Variants in ATP11A observed in about 807,000 individuals in gnomAD.
ATP11A encodes ATPase phospholipid transporting 11A.
In ATP11A, 81 loss-of-function variants were observed where a neutral mutation model predicts 154.4. The observed-to-expected ratio is 0.52, with a 90% CI of 0.44 to 0.63. The LOEUF is 0.63. ATP11A is among the 30% of genes least tolerant of loss of function. ATP11A has a pLI of 0.00. For synonymous variants in ATP11A, 623 were observed against 585.9 expected, an observed-to-expected ratio of 1.06 and a Z score of -0.91; for missense variants, 1,316 against 1,474.3, an observed-to-expected ratio of 0.89 and a Z score of 1.76.
At position 112,860,400 on chromosome 13, in the gene ATP11A, C is replaced by G. The variant is rs2080067398; in HGVS notation, c.2841C>G (p.Asp947Glu). ...QHVGIDVLKR[D>E]PTLYRDVAKN... ...TTGGCATTGACGTGCTCAAGAGAGA[C>G]CCGACCCTGTACAGGTACCATCCTC... Residue 947 changes from aspartate to glutamate, a missense_variant, in exon 24 of 30, where the codon GAC becomes GAG. This residue lies in a region of ATP11A where 294 missense variants were observed against 290.2 expected (regional missense o/e 1.01). Transcript: ENST00000375645. 1.2e-6 allele frequency: 2 copies of G among 1,614,150 alleles called. No individual in the cohort carries two copies. The highest frequency in any genetic ancestry group is 1.7e-6 in the Non-Finnish European group (2 of 1,180,014).
intron 1 of ATP11A, among the ~76,000 whole-genome samples, chr13:112,715,842 C>A (rs2139599510): frequency 6.6e-6 from 1 of 152,002 alleles, no homozygotes; most frequent in African/African-American, 2.4e-5. Context: ...CCTCTGGGGG[C>A]CGGGGAAGGT....
Position 112,883,141 on chromosome 13 carries a change from CGTCCCCTT to C in ATP11A, c.*1281_*1288del, listed in dbSNP as rs2080922987. 2.5e-6 allele frequency: 1 copy of C among 395,040 alleles called. No individual in the cohort carries two copies. Among genetic ancestry groups the C allele is most frequent in the Admixed American group, 4.4e-5 (1 of 22,542 alleles). The allele number at this position is 395,040 out of a possible 1,614,324, so 24.5% of individuals were successfully genotyped here. ...TCGTCTCCTCATCCCCACGTCCTCT[CGTCCCCTT>C]GTCCCGTCCCCACATACCCTCGTCC... On this transcript the variant is annotated 3_prime_UTR_variant, in exon 30 of 30. Coordinates refer to ENST00000375645, the MANE Select transcript of ATP11A (RefSeq NM_015205.3).
intron 22 of ATP11A, 129 bp downstream of exon 22, chr13:112,858,419 G>C: frequency 1.0e-6 from 1 of 993,326 alleles, no homozygotes; most frequent in Non-Finnish European, 1.4e-6. Context: ...TGTCAGAAAG[G>C]AAGGGGTGAA....
chr13:112,823,329 C>T lies in ATP11A; in HGVS notation c.726-16C>T, dbSNP rs369624424. 2 of 1,611,042 alleles carry T rather than the reference C, an allele frequency of 1.2e-6. No individual in the cohort carries two copies. The highest frequency in any genetic ancestry group is 1.3e-5 in the African/African-American group (1 of 74,836). On this transcript the variant is annotated splice_polypyrimidine_tract_variant and intron_variant, in intron 8 of 29. Coordinates refer to ENST00000375645, the MANE Select transcript of ATP11A (RefSeq NM_015205.3). ...CCTTCGTGTCCGCATCATTTCTGAT[C>T]ATCGTATCTTTACAGGCCCTTAGGA...
intron 2 of ATP11A, among the ~76,000 whole-genome samples, chr13:112,789,662 A>G (rs548508106): frequency 6.7e-4 from 99 of 146,698 alleles, no homozygotes; most frequent in African/African-American, 2.3e-3. Context: ...GTGGAGACCT[A>G]CTTAATTCAC....
intron 15 of ATP11A, among the ~76,000 whole-genome samples, chr13:112,834,867 G>T (rs1300685374): frequency 1.3e-5 from 2 of 152,232 alleles, no homozygotes; most frequent in South Asian, 2.1e-4. Context: ...CAGCCACAGC[G>T]CTGCTTCCCC....
chr13:112,829,829 A>G (rs1339261071), intron 12 of ATP11A, among the ~76,000 whole-genome samples: 12 of 152,266 alleles, frequency 7.9e-5, no homozygotes, highest in Admixed American at 3.3e-4. Flanking sequence ...ACTAATCAAC[A>G]AATTCACTAA....
chr13:112,763,580 G>A (rs7982129), intron 1 of ATP11A, among the ~76,000 whole-genome samples: 7,874 of 152,176 alleles, frequency 0.052, 698 homozygotes, highest in African/African-American at 0.18. Flanking sequence ...TTTTCTGGAG[G>A]GTCTGAACCC....
chr13:112,799,852 A>G (rs1217842041), intron 2 of ATP11A, among the ~76,000 whole-genome samples: 1 of 152,252 alleles, frequency 6.6e-6, no homozygotes, highest in African/African-American at 2.4e-5. Flanking sequence ...CTTTCAGACC[A>G]CAGTAGAATT....
chr13:112,708,003 G>A (rs371683917), intron 1 of ATP11A, among the ~76,000 whole-genome samples: 10 of 152,356 alleles, frequency 6.6e-5, no homozygotes, highest in African/African-American at 2.4e-4. Flanking sequence ...TTGGTCAACA[G>A]GAAGGGCCCA....
At chr13:112,780,634 C>T (rs2077475236) in intron 1 of ATP11A, among the ~76,000 whole-genome samples, 1 of 152,104 alleles carries the variant, frequency 6.6e-6, no homozygotes. Context: ...CGAGATGTTT[C>T]CTTTGGTCGG....
At chr13:112,779,667 A>C (rs571123619) in intron 1 of ATP11A, among the ~76,000 whole-genome samples, 12 of 152,140 alleles carry the variant, frequency 7.9e-5, no homozygotes, top group Non-Finnish European at 1.3e-4. Flanking sequence ...TCATCCCAGC[A>C]CTTTGGGAGG....
chr13:112,841,919 T>C (rs2072346526), intron 16 of ATP11A, among the ~76,000 whole-genome samples: 1 of 152,266 alleles, frequency 6.6e-6, no homozygotes, highest in Admixed American at 6.5e-5. Context: ...TGTGTTCACC[T>C]TCCAGCATTT....
At chr13:112,727,549 A>C (rs1890009076) in intron 1 of ATP11A, among the ~76,000 whole-genome samples, 3 of 139,332 alleles carry the variant, frequency 2.2e-5, no homozygotes, top group Admixed American at 2.1e-4. Flanking sequence ...GTCTCTTTCC[A>C]AAAAAAAAAA....
intron 9 of ATP11A, 129 bp downstream of exon 9, chr13:112,823,538 C>A: frequency 1.5e-6 from 1 of 661,562 alleles, no homozygotes; most frequent in South Asian, 2.0e-5. Context: ...TCTGGCCGCG[C>A]AAGTTCTGCC....
chr13:112,716,985 G>T (rs1004353102), intron 1 of ATP11A, among the ~76,000 whole-genome samples: 2 of 152,166 alleles, frequency 1.3e-5, no homozygotes, highest in African/African-American at 2.4e-5. Context: ...ACCCACAGAC[G>T]CAGACCCACT....
rs769109308 is a variant in ATP11A, at chr13:112,810,762, C to G, written c.441+36C>G. On this transcript the variant is annotated intron_variant, in intron 5 of 29. Coordinates refer to ENST00000375645, the MANE Select transcript of ATP11A (RefSeq NM_015205.3). ...CCCGACACATTTACGCTGGTGAAGTCCAGTAACTGTTTAAAAAATAAGTTT... is the reference window on the plus strand; with the variant it reads ...CCCGACACATTTACGCTGGTGAAGTGCAGTAACTGTTTAAAAAATAAGTTT... 6.3e-6 allele frequency: 10 copies of G among 1,575,562 alleles called. No individual in the cohort carries two copies. In the South Asian group the frequency reaches 6.6e-5, roughly 10 times the overall value.
intron 1 of ATP11A, among the ~76,000 whole-genome samples, chr13:112,773,041 A>G (rs1436351537): frequency 2.0e-5 from 3 of 151,522 alleles, no homozygotes; most frequent in South Asian, 2.1e-4. Context: ...GGCCTGGTCC[A>G]TGGTGATCTC....
intron 1 of ATP11A, among the ~76,000 whole-genome samples, chr13:112,712,396 A>G (rs1445047908): frequency 6.6e-6 from 1 of 152,114 alleles, no homozygotes; most frequent in Non-Finnish European, 1.5e-5. Flanking sequence ...ATGGCCCTCA[A>G]AGCCCTACCT....
Sources: allele counts gnomAD v4.1 joint callset (sites outside exome capture counted in the v4.1 genomes callset), GRCh38; gene constraint gnomAD v4.1.1; regional missense constraint gnomAD v4.1.1; transcripts MANE v1.5; gene names NCBI Gene and HGNC (gene_info 2026-07-23, HGNC 2026-07-21).